The following EVC variants were observed in gnomAD, a reference collection of about 807,000 sequenced individuals.
EVC encodes the protein EvC ciliary complex subunit 1.
In EVC, 116 loss-of-function variants were observed where a neutral mutation model predicts 118.9. That is an observed-to-expected ratio of 0.98 (90% confidence interval 0.84 to 1.14). The LOEUF (loss-of-function observed/expected upper bound fraction) is 1.14. EVC is among the 50% of genes most tolerant of loss of function. The pLI, the probability that EVC is intolerant of heterozygous loss-of-function variation, is 0.00. For synonymous variants in EVC, 619 were observed against 534.7 expected (o/e 1.16, Z -2.18); for missense variants, 1,401 against 1,246.4 (o/e 1.12, Z -1.87).
chr4:5,828,851 C>T, the EVC span, among the ~76,000 whole-genome samples: 1 of 152,090 alleles, frequency 6.6e-6, no homozygotes, highest in Admixed American at 6.5e-5. Flanking sequence ...TAACCAACAA[C>T]TCACCGTTGC....
chr4:5,733,362 A>C lies in EVC; in HGVS notation c.629A>C (p.Asp210Ala). 2 of 1,613,838 alleles carry C rather than the reference A, an allele frequency of 1.2e-6. No homozygotes were observed. Among genetic ancestry groups the C allele is most frequent in the Non-Finnish European group, 1.7e-6 (2 of 1,179,810 alleles). The change falls in exon 5 of 21, where the codon GAC becomes GCC. Residue 210 changes from aspartate to alanine, a missense_variant. Physicochemically the swap from Asp to Ala is moderately radical, Grantham distance 126. Coordinates refer to ENST00000264956, the MANE Select transcript of EVC (RefSeq NM_153717.3). The part of the protein sequence containing the change: ...EVLACESVDV[D>A]LCIYSLHLKD... ...ATTTTATTTTGCAGTGTAGACGTTG[A>C]CCTGTGTATCTACAGCCTTCACTTA...
intron 1 of EVC, among the ~76,000 whole-genome samples, chr4:5,717,342 T>G (rs1035512312): frequency 2.0e-5 from 3 of 152,094 alleles, no homozygotes; most frequent in East Asian, 3.9e-4. Flanking sequence ...TTGTTTAAAG[T>G]TTTTTTTCCC....
chr4:5,752,833 C>T lies in EVC; in HGVS notation c.1099-3C>T. 6.2e-7 allele frequency: 1 copy of T among 1,614,092 alleles called. No homozygotes were observed. Among genetic ancestry groups the T allele is most frequent in the South Asian group, 1.1e-5 (1 of 91,080 alleles). On this transcript the variant is annotated splice_polypyrimidine_tract_variant and splice_region_variant and intron_variant, in intron 8 of 20. Coordinates refer to ENST00000264956, the MANE Select transcript of EVC (RefSeq NM_153717.3). ...CTATGGTCCTGTGTGTTTCTTTTTGCAGGACGCCCTGGAGAGGACGATGGG... is the reference window on the plus strand; with the variant it reads ...CTATGGTCCTGTGTGTTTCTTTTTGTAGGACGCCCTGGAGAGGACGATGGG...
At chr4:5,782,660 C>T (rs368592127) in intron 11 of EVC, among the ~76,000 whole-genome samples, 2 of 139,806 alleles carry the variant, frequency 1.4e-5, no homozygotes, top group African/African-American at 5.2e-5. Flanking sequence ...GGTGGGGGAG[C>T]GGGGATGAAG....
At chr4:5,763,836 G>T (rs1732446136) in intron 11 of EVC, among the ~76,000 whole-genome samples, 1 of 99,426 alleles carries the variant, frequency 1.0e-5, no homozygotes, top group African/African-American at 4.4e-5. Flanking sequence ...ATACAATCAT[G>T]TTGTCTGCAA....
chr4:5,801,633 T>C (rs918365563), intron 15 of EVC: 4 of 321,538 alleles, frequency 1.2e-5, no homozygotes, highest in Non-Finnish European at 1.8e-5. Flanking sequence ...TGGGCCGAGA[T>C]TGTGCTCCAG....
In EVC at chr4:5,811,525, T is replaced by C; in HGVS notation, c.*488T>C. 1 of 202,640 alleles carries C rather than the reference T, an allele frequency of 4.9e-6. No homozygotes were observed. Among genetic ancestry groups the C allele is most frequent in the Non-Finnish European group, 1.0e-5 (1 of 99,246 alleles). The allele number at this position is 202,640 out of a possible 1,614,324, so 12.6% of individuals were successfully genotyped here. On this transcript the variant is annotated 3_prime_UTR_variant, in exon 21 of 21. Transcript: ENST00000264956. ...CTCACTTCACCTGGGGAGGGGCTTC[T>C]TCCGGACAGTAGACACCCTGCCCGT...
intron 13 of EVC, among the ~76,000 whole-genome samples, chr4:5,795,916 C>T (rs12500495): frequency 0.28 from 42,477 of 152,114 alleles, 7,032 homozygotes; most frequent in South Asian, 0.54. Context: ...TCTCTCCCTC[C>T]TCTCTTTCTG....
chr4:5,759,332 C>A (rs961152256), intron 11 of EVC, among the ~76,000 whole-genome samples: 2 of 151,872 alleles, frequency 1.3e-5, no homozygotes, highest in Non-Finnish European at 2.9e-5. Context: ...GGTTTGGTCG[C>A]CGCATCCCAA....
downstream of EVC, among the ~76,000 whole-genome samples, chr4:5,816,287 T>C (rs568188583): frequency 1.7e-4 from 26 of 152,164 alleles, no homozygotes; most frequent in Admixed American, 1.7e-3. Context: ...GCCATGAACA[T>C]GTACCTCTTG....
chr4:5,744,962 G>A lies in EVC; in HGVS notation c.802-242G>A, dbSNP rs73200154. Reference sequence around the variant, plus strand: ...ACTATTTTATTGATTTTTAAAGTATGGTCTAGTTTTTTTTTTTTTTTTGAG... The same window carrying A: ...ACTATTTTATTGATTTTTAAAGTATAGTCTAGTTTTTTTTTTTTTTTTGAG... On this transcript the variant is annotated intron_variant, in intron 6 of 20. Transcript: ENST00000264956. Among the ~76,000 whole-genome samples the A allele has an allele frequency of 0.028, 3,839 of 137,754 alleles. 80 individuals carry two copies. Among genetic ancestry groups the A allele is most frequent in the Non-Finnish European group, 0.04 (2,600 of 65,740 alleles). 90.4% of individuals were successfully genotyped at this position (137,754 alleles called of 152,430 possible). A position where few individuals can be genotyped will look rare whatever the true frequency, so the allele number is the denominator to read the frequency against.
chr4:5,824,273 T>C, the EVC span: 17 of 985,036 alleles, frequency 1.7e-5, no homozygotes, highest in African/African-American at 2.8e-4. Context: ...GGTTTGCTGA[T>C]TGAGCATCAC....
In EVC at chr4:5,811,164, G is replaced by C; in HGVS notation, c.*127G>C. ...GCGGCATCTCTAGGCTCTTCTGAGA[G>C]GGACAGAGAAAGAATAGAAATGTGC... On this transcript the variant is annotated 3_prime_UTR_variant, in exon 21 of 21. Coordinates refer to ENST00000264956, the MANE Select transcript of EVC (RefSeq NM_153717.3). 1.3e-6 allele frequency: 1 copy of C among 756,112 alleles called. No individual in the cohort carries two copies. Among genetic ancestry groups the C allele is most frequent in the Non-Finnish European group, 2.3e-6 (1 of 434,420 alleles). 46.8% of individuals were successfully genotyped at this position (756,112 alleles called of 1,614,324 possible).
chr4:5,771,979 G>A (rs1734050926), intron 11 of EVC, among the ~76,000 whole-genome samples: 1 of 151,846 alleles, frequency 6.6e-6, no homozygotes, highest in Admixed American at 6.6e-5. Flanking sequence ...CTCACTGCAA[G>A]CTCCATCTCC....
chr4:5,739,737 T>C (rs1728230559), intron 5 of EVC, among the ~76,000 whole-genome samples: 1 of 152,160 alleles, frequency 6.6e-6, no homozygotes. Context: ...TGTTTCACCC[T>C]TTACTGAAAA....
At chr4:5,794,271 A>T (rs1164713869) in intron 13 of EVC, among the ~76,000 whole-genome samples, 11 of 111,470 alleles carry the variant, frequency 9.9e-5, no homozygotes, top group African/African-American at 2.6e-4. Context: ...TTATATATTT[A>T]TATATATTTA....
downstream of EVC, among the ~76,000 whole-genome samples, chr4:5,817,381 A>C (rs2152415425): frequency 6.6e-6 from 1 of 152,258 alleles, no homozygotes; most frequent in South Asian, 2.1e-4. Flanking sequence ...CAGGCTGCCT[A>C]AGTGGTTTGA....
rs567230440 is a variant in EVC, at chr4:5,753,085, A to G, written c.1315+33A>G. 14 of 1,543,618 alleles carry G rather than the reference A, an allele frequency of 9.1e-6. No homozygotes were observed. In the South Asian group the frequency reaches 1.3e-4, roughly 14 times the overall value. The stretch of plus-strand genomic sequence containing the variant: ...GTGGGCATGGGTGCCGCCGTCCACA[A>G]CACTGGCCTTCTGGGTCCCTGGGGC... On this transcript the variant is annotated intron_variant, in intron 9 of 20. Transcript: ENST00000264956.
At chr4:5,826,092 T>A in the EVC span, 6 of 240,752 alleles carry the variant, frequency 2.5e-5, no homozygotes, top group Admixed American at 2.5e-4. Flanking sequence ...ACACACACAC[T>A]CATACAGGTA....
Sources: gnomAD v4.1 joint callset for allele counts (sites outside exome capture counted in the v4.1 genomes callset) on GRCh38, gnomAD v4.1.1 for gene constraint, MANE v1.5 for transcripts, NCBI Gene and HGNC (gene_info 2026-07-23, HGNC 2026-07-21) for gene names.